ARL8B: variants seen among roughly 807,000 people sequenced by gnomAD.
The protein encoded by ARL8B is ADP-ribosylation factor-like protein 8B.
ARL8B carries 9 observed loss-of-function variants against 30.6 expected under a neutral mutation model. That is an observed-to-expected ratio of 0.29 (90% confidence interval 0.18 to 0.51). The LOEUF is 0.51. Among genes scored for constraint, ARL8B ranks in the 20% least tolerant of loss-of-function variants. The probability of loss-of-function intolerance (pLI) is 0.97; values close to 1 mark genes in which losing one functional copy is unlikely to be tolerated. For missense variants in ARL8B, 130 were observed against 227.2 expected (o/e 0.57, Z 2.75); for synonymous variants, 74 against 76.0 (o/e 0.97, Z 0.14).
At position 5,152,910 on chromosome 3, in the gene ARL8B, G is replaced by A. The variant is rs190620870; in HGVS notation, c.124-17593G>A. The stretch of plus-strand genomic sequence containing the variant: ...TTTTAATGTAATTATTGATATTTAA[G>A]ACTTAGTTTAAACATAGTATTTAGT... On this transcript the variant is annotated intron_variant, in intron 1 of 6. Transcript: ENST00000256496. 2.0e-5 allele frequency among the ~76,000 whole-genome samples: 3 copies of A among 152,282 alleles called. No individual in the cohort carries two copies. The East Asian group carries it at 5.8e-4, about 29-fold the overall frequency.
At chr3:5,157,338 C>G (rs887955963) in intron 1 of ARL8B, among the ~76,000 whole-genome samples, 1 of 152,156 alleles carries the variant, frequency 6.6e-6, no homozygotes, top group Admixed American at 6.5e-5. Flanking sequence ...CCAGTTCGTT[C>G]CCTTCTGAGT....
chr3:5,166,647 T>TA (rs1415022011), intron 1 of ARL8B, among the ~76,000 whole-genome samples: 1 of 152,208 alleles, frequency 6.6e-6, no homozygotes, highest in Non-Finnish European at 1.5e-5. Context: ...TGTCTTAAGA[T>TA]ATCTTTAGTA....
At chr3:5,127,478 T>C (rs1575556974) in intron 1 of ARL8B, among the ~76,000 whole-genome samples, 1 of 152,208 alleles carries the variant, frequency 6.6e-6, no homozygotes, top group Non-Finnish European at 1.5e-5. Context: ...GCATTTTAAA[T>C]CCAGGCATCT....
chr3:5,151,574 A>G (rs1266243438), intron 1 of ARL8B, among the ~76,000 whole-genome samples: 1 of 152,192 alleles, frequency 6.6e-6, no homozygotes, highest in Admixed American at 6.5e-5. Flanking sequence ...TCTGTGACCA[A>G]TAGATTATAT....
intron 1 of ARL8B, among the ~76,000 whole-genome samples, chr3:5,131,719 C>T (rs149861245): frequency 1.8e-4 from 28 of 152,240 alleles, no homozygotes; most frequent in African/African-American, 5.3e-4. Context: ...ATTAAATTGA[C>T]GTTACAGGTT....
chr3:5,122,322 T>A lies in ARL8B; in HGVS notation c.-144T>A. The A allele has an allele frequency of 6.6e-7, 1 of 1,524,912 alleles. No homozygotes were observed. The highest frequency in any genetic ancestry group is 8.8e-7 in the Non-Finnish European group (1 of 1,137,370). 94.5% of individuals were successfully genotyped at this position (1,524,912 alleles called of 1,614,324 possible). ...ATCCGCTCGGCTTCCTGGGTCTGGC[T>A]GCTGCCGCCCGCCGGTGTCCGCCCG... On this transcript the variant is annotated 5_prime_UTR_variant, in exon 1 of 7. Transcript: ENST00000256496.
At chr3:5,159,806 C>T (rs1169535054) in intron 1 of ARL8B, among the ~76,000 whole-genome samples, 2 of 151,746 alleles carry the variant, frequency 1.3e-5, no homozygotes, top group African/African-American at 2.4e-5. Flanking sequence ...TAGAAGGGCA[C>T]ACAATGACAA....
At chr3:5,151,540 T>C (rs1425018404) in intron 1 of ARL8B, among the ~76,000 whole-genome samples, 1 of 152,194 alleles carries the variant, frequency 6.6e-6, no homozygotes, top group East Asian at 1.9e-4. Flanking sequence ...TTCAACATGT[T>C]TTTATTTTCC....
At chr3:5,173,634 C>T (rs924374194) in intron 4 of ARL8B, among the ~76,000 whole-genome samples, 10 of 152,200 alleles carry the variant, frequency 6.6e-5, no homozygotes, top group South Asian at 4.1e-4. Context: ...AGGAGAATGG[C>T]GTGAACCCGG....
intron 1 of ARL8B, among the ~76,000 whole-genome samples, chr3:5,159,331 G>A (rs2054559935): frequency 1.3e-5 from 2 of 149,122 alleles, no homozygotes; most frequent in South Asian, 4.2e-4. Context: ...TGCCAGGTGC[G>A]GTGGCTCATG....
chr3:5,172,375 T>TA, intron 3 of ARL8B, 152 bp downstream of exon 3: 11 of 707,768 alleles, frequency 1.6e-5, no homozygotes, highest in South Asian at 4.1e-5. Flanking sequence ...ACATGGGATT[T>TA]AAAAAAAATT....
Position 5,166,020 on chromosome 3 carries a change from C to T in ARL8B, c.124-4483C>T, listed in dbSNP as rs186806191. Among the ~76,000 whole-genome samples, 32 of 151,648 alleles carry T rather than the reference C, an allele frequency of 2.1e-4. No homozygotes were observed. The East Asian group carries it at 5.4e-3, about 26-fold the overall frequency. On this transcript the variant is annotated intron_variant, in intron 1 of 6. Transcript: ENST00000256496. ...GAATAGTTGCACCCGCCCCCTCACC[C>T]GTTTCTATTGTCTTAAGATATCTTT...
At chr3:5,163,918 A>G (rs2054603013) in intron 1 of ARL8B, among the ~76,000 whole-genome samples, 1 of 152,194 alleles carries the variant, frequency 6.6e-6, no homozygotes, top group African/African-American at 2.4e-5. Flanking sequence ...ATATTTGAAT[A>G]TCATGTATGT....
chr3:5,176,301 G>A (rs184304024), intron 6 of ARL8B, among the ~76,000 whole-genome samples: 99 of 152,016 alleles, frequency 6.5e-4, no homozygotes, highest in African/African-American at 2.3e-3. Flanking sequence ...CAAGATCTTA[G>A]CTCACAGCAA....
Position 5,172,661 on chromosome 3 carries a change from C to T in ARL8B, c.293C>T (p.Ala98Val). ...ATTTTTTTAAGTTACATGATAGATG[C>T]TGCAGATCGTGAAAAGATAGAAGCT... ...GVNAIVYMID[A>V]ADREKIEASR... Residue 98 changes from alanine to valine, a missense_variant, in exon 4 of 7, where the codon GCT becomes GTT. By Grantham distance (64) the Ala-to-Val change is moderately conservative. Coordinates refer to ENST00000256496, the MANE Select transcript of ARL8B (RefSeq NM_018184.3). The T allele has an allele frequency of 6.2e-7, 1 of 1,611,664 alleles. No individual in the cohort carries two copies. The highest frequency in any genetic ancestry group is 8.5e-7 in the Non-Finnish European group (1 of 1,178,482).
chr3:5,158,620 G>T (rs775770841), intron 1 of ARL8B, among the ~76,000 whole-genome samples: 1 of 152,100 alleles, frequency 6.6e-6, no homozygotes, highest in Non-Finnish European at 1.5e-5. Flanking sequence ...TCCAGGGTCC[G>T]TTATAACCAC....
At chr3:5,148,665 A>T (rs1369502928) in intron 1 of ARL8B, among the ~76,000 whole-genome samples, 1 of 152,058 alleles carries the variant, frequency 6.6e-6, no homozygotes, top group Non-Finnish European at 1.5e-5. Context: ...TCTTGTGAGG[A>T]TGGAGTTTTA....
In ARL8B at chr3:5,180,374, A is replaced by G. The variant is rs1269285637; in HGVS notation, c.*1661A>G. 1 of 152,252 alleles carries G rather than the reference A, an allele frequency of 6.6e-6. No individual in the cohort carries two copies. Among genetic ancestry groups the G allele is most frequent in the Non-Finnish European group, 1.5e-5 (1 of 68,040 alleles). 9.4% of individuals were successfully genotyped at this position (152,252 alleles called of 1,614,324 possible). On this transcript the variant is annotated 3_prime_UTR_variant, in exon 7 of 7. Coordinates refer to ENST00000256496, the MANE Select transcript of ARL8B (RefSeq NM_018184.3). ...GATGGATGGTTCTGTAAATGAAGGG[A>G]TATTTAAACTTGCTACTGTTGTTCA...
chr3:5,149,612 A>T (rs1042621195), intron 1 of ARL8B, among the ~76,000 whole-genome samples: 3 of 152,212 alleles, frequency 2.0e-5, no homozygotes, highest in Non-Finnish European at 4.4e-5. Flanking sequence ...TTAGAAGGTT[A>T]TATCCTCGTC....
Sources: allele counts gnomAD v4.1 joint callset (sites outside exome capture counted in the v4.1 genomes callset), GRCh38; gene constraint gnomAD v4.1.1; transcripts MANE v1.5; gene names NCBI Gene and HGNC (gene_info 2026-07-23, HGNC 2026-07-21).